RNF220: variants seen among roughly 807,000 people sequenced by gnomAD.
The protein encoded by RNF220 is E3 ubiquitin-protein ligase RNF220.
In RNF220, 7 loss-of-function variants were observed where a neutral mutation model predicts 67.1. That is an observed-to-expected ratio of 0.10 (90% CI 0.06 to 0.20). RNF220 has a LOEUF of 0.20. RNF220 is among the 10% of genes least tolerant of loss of function. The probability of loss-of-function intolerance (pLI) is 1.00; values close to 1 mark genes in which losing one functional copy is unlikely to be tolerated. For synonymous variants in RNF220, 270 were observed against 283.2 expected, an observed-to-expected ratio of 0.95 and a Z score of 0.47; for missense variants, 565 against 740.3, an observed-to-expected ratio of 0.76 and a Z score of 2.75.
chr1:44,459,134 G>A (rs2147952294), intron 2 of RNF220, among the ~76,000 whole-genome samples: 1 of 152,196 alleles, frequency 6.6e-6, no homozygotes, highest in African/African-American at 2.4e-5. Flanking sequence ...TAAAATAAGT[G>A]TAAGGAAGTT....
chr1:44,640,278 CT>C (rs1644449265), intron 8 of RNF220, among the ~76,000 whole-genome samples: 1 of 152,244 alleles, frequency 6.6e-6, no homozygotes, highest in Non-Finnish European at 1.5e-5. Flanking sequence ...CCCAGTGCAG[CT>C]CTGCTGTTGG....
chr1:44,563,562 T>A (rs180782817), intron 2 of RNF220, among the ~76,000 whole-genome samples: 2 of 152,318 alleles, frequency 1.3e-5, no homozygotes, highest in East Asian at 3.9e-4. Flanking sequence ...GTGACACTAG[T>A]GTGTCCTGTA....
Position 44,622,615 on chromosome 1 carries a change from C to T in RNF220, c.759-127C>T, listed in dbSNP as rs1384672391. 8 of 765,278 alleles carry T rather than the reference C, an allele frequency of 1.0e-5. No homozygotes were observed. In the Admixed American group the frequency reaches 1.1e-4, roughly 10 times the overall value. The allele number at this position is 765,278 out of a possible 1,614,324, so 47.4% of individuals were successfully genotyped here. Reference sequence around the variant, plus strand: ...CTGGGATTGAAAGGACTGGGTGGAGCTTGGCTGAGCTGGGCTGGGCTAGGC... The same window carrying T: ...CTGGGATTGAAAGGACTGGGTGGAGTTTGGCTGAGCTGGGCTGGGCTAGGC... On this transcript the variant is annotated intron_variant, in intron 3 of 14. Transcript: ENST00000361799. The surrounding 1 kb of genome is among the most constrained non-coding windows in gnomAD (Gnocchi z 4.3).
rs972989944 is a variant in RNF220 at position 44,569,370 on chromosome 1, G to A, written c.626-44795G>A. ...AGAAAATCGCCTGGGAAAATTACAC[G>A]TAACATTGCATTAACATTCTATTTG... On this transcript the variant is annotated intron_variant, in intron 2 of 14. Coordinates refer to ENST00000361799, the MANE Select transcript of RNF220 (RefSeq NM_018150.4). Among the ~76,000 whole-genome samples, 13 of 152,182 alleles carry A rather than the reference G, an allele frequency of 8.5e-5. No individual in the cohort carries two copies. The East Asian group carries it at 1.2e-3, about 14-fold the overall frequency.
At chr1:44,547,986 C>G (rs968595849) in intron 2 of RNF220, among the ~76,000 whole-genome samples, 4 of 152,124 alleles carry the variant, frequency 2.6e-5, no homozygotes, top group Admixed American at 2.0e-4. Flanking sequence ...CACATCAACT[C>G]GCAACTTGTT....
chr1:44,642,184 T>C (rs1644506290), intron 8 of RNF220, among the ~76,000 whole-genome samples: 1 of 152,092 alleles, frequency 6.6e-6, no homozygotes, highest in Non-Finnish European at 1.5e-5. Context: ...ATAAATATGA[T>C]TTTGGAGTTA....
chr1:44,605,608 A>G (rs61789879), intron 2 of RNF220, among the ~76,000 whole-genome samples: 12,214 of 152,288 alleles, frequency 0.08, 554 homozygotes, highest in Non-Finnish European at 0.1. Context: ...TGATAGAATC[A>G]TAACAGGCAA....
chr1:44,423,660 T>C (rs183784637), intron 2 of RNF220, among the ~76,000 whole-genome samples: 4 of 152,292 alleles, frequency 2.6e-5, no homozygotes, highest in African/African-American at 9.6e-5. Flanking sequence ...AGGGTCCTCA[T>C]CTTTTTACTA....
intron 1 of RNF220, chr1:44,410,726 G>T (rs140397067): frequency 6.6e-6 from 1 of 152,290 alleles, no homozygotes; most frequent in East Asian, 1.9e-4. Context: ...TTTTATTTCT[G>T]ATATGACTCT....
intron 5 of RNF220, chr1:44,631,772 G>T: frequency 2.6e-6 from 1 of 382,968 alleles, no homozygotes; most frequent in Non-Finnish European, 3.6e-6. Flanking sequence ...GGGAGGGGTC[G>T]TGGAGTGGGG....
intron 2 of RNF220, among the ~76,000 whole-genome samples, chr1:44,598,543 A>G (rs1173832329): frequency 2.0e-5 from 3 of 152,124 alleles, no homozygotes; most frequent in Non-Finnish European, 4.4e-5. Context: ...TTGCTGAGTG[A>G]GAGAGAGAAA....
chr1:44,478,448 G>A (rs1472796475), intron 2 of RNF220, among the ~76,000 whole-genome samples: 2 of 152,014 alleles, frequency 1.3e-5, no homozygotes, highest in Non-Finnish European at 2.9e-5. Flanking sequence ...ACTGCCAGGC[G>A]TGGTGGCTTC....
At chr1:44,646,657 G>A (rs925817494) in intron 12 of RNF220, among the ~76,000 whole-genome samples, 2 of 152,210 alleles carry the variant, frequency 1.3e-5, no homozygotes, top group Non-Finnish European at 2.9e-5. Context: ...GCCCGAGGGG[G>A]AGGTGGGGGC....
At chr1:44,523,704 G>C (rs539196094) in intron 2 of RNF220, among the ~76,000 whole-genome samples, 59 of 152,314 alleles carry the variant, frequency 3.9e-4, no homozygotes, top group African/African-American at 1.3e-3. Flanking sequence ...GGTATGGAAG[G>C]AGAAAGCAGA....
chr1:44,491,329 G>A (rs1656834254), intron 2 of RNF220, among the ~76,000 whole-genome samples: 1 of 151,762 alleles, frequency 6.6e-6, no homozygotes, highest in African/African-American at 2.4e-5. Flanking sequence ...ATATATATAT[G>A]TATATATAAA....
chr1:44,520,927 A>C (rs1659887475), intron 2 of RNF220, among the ~76,000 whole-genome samples: 1 of 152,038 alleles, frequency 6.6e-6, no homozygotes, highest in Non-Finnish European at 1.5e-5. Flanking sequence ...ATGAGGTCTC[A>C]CTCTCTTGCC....
chr1:44,458,249 A>G (rs373973851), intron 2 of RNF220, among the ~76,000 whole-genome samples: 1 of 151,602 alleles, frequency 6.6e-6, no homozygotes, highest in Non-Finnish European at 1.5e-5. Context: ...AGAGTGAGAC[A>G]CTGTCTCTTA....
At chr1:44,467,882 G>T (rs1654422839) in intron 2 of RNF220, among the ~76,000 whole-genome samples, 1 of 152,026 alleles carries the variant, frequency 6.6e-6, no homozygotes, top group African/African-American at 2.4e-5. Flanking sequence ...TCTTTCACTT[G>T]AACATTGAGA....
At chr1:44,623,960 G>T (rs1643876972) in intron 4 of RNF220, among the ~76,000 whole-genome samples, 1 of 152,246 alleles carries the variant, frequency 6.6e-6, no homozygotes, top group South Asian at 2.1e-4. Flanking sequence ...AAAGGAGCCA[G>T]AGTGACAAGT....
Sources: allele counts gnomAD v4.1 joint callset (sites outside exome capture counted in the v4.1 genomes callset), GRCh38; gene constraint gnomAD v4.1.1; non-coding constraint Gnocchi (gnomAD v3.1); transcripts MANE v1.5; gene names NCBI Gene and HGNC (gene_info 2026-07-23, HGNC 2026-07-21).